Variants in DPP4 observed in about 807,000 individuals in gnomAD.
DPP4 encodes the protein dipeptidyl peptidase 4.
Under a neutral mutation model 122.4 loss-of-function variants are expected in DPP4, and 93 were observed. The ratio of observed to expected loss-of-function variants is 0.76; its 90% CI spans 0.64 to 0.90. DPP4 has a LOEUF of 0.90. DPP4 is among the 40% of genes least tolerant of loss of function. DPP4 has a pLI of 0.00. For missense variants in DPP4, 914 were observed against 907.3 expected (o/e 1.01, Z -0.09); for synonymous variants, 321 against 302.9 (o/e 1.06, Z -0.62).
chr2:162,026,853 C>G (rs1683346437), intron 10 of DPP4, among the ~76,000 whole-genome samples: 1 of 152,148 alleles, frequency 6.6e-6, no homozygotes, highest in African/African-American at 2.4e-5. Flanking sequence ...ATGAAGCTTT[C>G]TGAAATTAGT....
intron 9 of DPP4, among the ~76,000 whole-genome samples, chr2:162,033,862 G>GTGTA (rs1184597685): frequency 2.9e-5 from 3 of 104,034 alleles, no homozygotes; most frequent in Admixed American, 2.1e-4. Context: ...CAGAATATGT[G>GTGTA]TATATATATA....
At chr2:162,015,339 T>C (rs1275067687) in intron 18 of DPP4, among the ~76,000 whole-genome samples, 3 of 152,204 alleles carry the variant, frequency 2.0e-5, no homozygotes. Flanking sequence ...AATATATAGA[T>C]AGATTTATCT....
intron 2 of DPP4, among the ~76,000 whole-genome samples, chr2:162,061,002 CTCCCTCCTTCCTTCCTTCCT>C (rs1334554099): frequency 8.5e-6 from 1 of 118,338 alleles, no homozygotes; most frequent in Non-Finnish European, 1.7e-5. Flanking sequence ...CCCTCCCTCC[CTCCCTCCTTCCTTCCTTCCT>C]TCCTTCCTTC....
At chr2:162,072,400 TCA>T (rs532744031) in intron 2 of DPP4, among the ~76,000 whole-genome samples, 1 of 152,224 alleles carries the variant, frequency 6.6e-6, no homozygotes, top group Non-Finnish European at 1.5e-5. Flanking sequence ...GTCAACCCAT[TCA>T]GTTATTTAAC....
rs1333686442 is a variant in DPP4, at chr2:162,033,529, C to T, written c.887+12G>A. 6 of 1,596,876 alleles carry T rather than the reference C, an allele frequency of 3.8e-6. No individual in the cohort carries two copies. The highest frequency in any genetic ancestry group is 5.1e-6 in the Non-Finnish European group (6 of 1,168,666). Reference sequence around the variant, plus strand: ...CTGTTTACAAGCCAAGCATTCAGGACAAGAGTCTTACCCTATCAACATAGA... The same window carrying T: ...CTGTTTACAAGCCAAGCATTCAGGATAAGAGTCTTACCCTATCAACATAGA... On this transcript the variant is annotated intron_variant, in intron 10 of 25. Transcript: ENST00000360534.
chr2:162,013,435 T>G (rs749566590), intron 19 of DPP4, among the ~76,000 whole-genome samples: 4 of 152,140 alleles, frequency 2.6e-5, no homozygotes, highest in Non-Finnish European at 4.4e-5. Flanking sequence ...CCTTTCTTTG[T>G]GCTTTTATGT....
At chr2:162,022,864 T>C (rs1683184199) in intron 11 of DPP4, 65 bp from the exon 12 acceptor site, 3 of 1,515,582 alleles carry the variant, frequency 2.0e-6, no homozygotes, top group Non-Finnish European at 2.7e-6. Context: ...ATAGCCATAA[T>C]TTGTGGTAAT....
Position 162,045,687 on chromosome 2 carries a change from G to C in DPP4, c.286-75C>G, listed in dbSNP as rs1045794363. ...CATCACTGTGCACTTACTTCATAGG[G>C]GGTACTGTTCTAGACATGTGGCTTG... On this transcript the variant is annotated intron_variant, in intron 4 of 25. Transcript: ENST00000360534. The C allele has an allele frequency of 4.3e-5, 46 of 1,070,410 alleles. No individual in the cohort carries two copies. In the Admixed American group the frequency reaches 7.9e-4, roughly 18 times the overall value. The allele number at this position is 1,070,410 out of a possible 1,614,324, so 66.3% of individuals were successfully genotyped here.
chr2:162,013,313 C>A (rs190604149), intron 19 of DPP4, among the ~76,000 whole-genome samples: 15 of 152,116 alleles, frequency 9.9e-5, no homozygotes, highest in Admixed American at 9.8e-4. Context: ...AGCATTGGAG[C>A]CGAAGCCTAA....
intron 10 of DPP4, 89 bp downstream of exon 10, chr2:162,033,452 G>A (rs1683636286): frequency 3.3e-6 from 3 of 899,092 alleles, no homozygotes; most frequent in Non-Finnish European, 5.2e-6. Context: ...GTGGGAGGCT[G>A]TGATCCACTT....
chr2:162,001,912 G>T (rs1463309526), intron 23 of DPP4, among the ~76,000 whole-genome samples: 2 of 152,188 alleles, frequency 1.3e-5, no homozygotes, highest in East Asian at 1.9e-4. Flanking sequence ...GCTCCTTGAG[G>T]TGGGGGGGAT....
chr2:162,051,958 C>CCTTA (rs1200519336), intron 2 of DPP4, among the ~76,000 whole-genome samples: 3 of 152,086 alleles, frequency 2.0e-5, no homozygotes, highest in African/African-American at 7.2e-5. Context: ...TCATGTTGAA[C>CCTTA]CTTAATATAC....
chr2:162,031,800 C>T (rs554494823), intron 10 of DPP4, among the ~76,000 whole-genome samples: 6 of 152,200 alleles, frequency 3.9e-5, no homozygotes, highest in South Asian at 4.2e-4. Context: ...TGATGATAAG[C>T]GCTACAAGGG....
chr2:162,069,050 C>T (rs1685034060), intron 2 of DPP4, among the ~76,000 whole-genome samples: 1 of 152,028 alleles, frequency 6.6e-6, no homozygotes, highest in South Asian at 2.1e-4. Context: ...CTAAGCCACT[C>T]CAAAATTCCT....
rs144379980 is a variant in DPP4, at chr2:162,066,603, G to T, written c.94+6796C>A. Reference sequence around the variant, plus strand: ...GTGGAACAGGGACATTATCTATACTGCTTAGGGCTAGATCTTAGCTCATTT... The same window carrying T: ...GTGGAACAGGGACATTATCTATACTTCTTAGGGCTAGATCTTAGCTCATTT... On this transcript the variant is annotated intron_variant, in intron 2 of 25. Coordinates refer to ENST00000360534, the MANE Select transcript of DPP4 (RefSeq NM_001935.4). Among the ~76,000 whole-genome samples, 199 of 152,278 alleles carry T rather than the reference G, an allele frequency of 1.3e-3. 4 individuals are homozygous for T. In the East Asian group the frequency reaches 0.031, roughly 23 times the overall value.
At chr2:162,066,189 T>G (rs1684941827) in intron 2 of DPP4, among the ~76,000 whole-genome samples, 1 of 151,864 alleles carries the variant, frequency 6.6e-6, no homozygotes, top group Admixed American at 6.6e-5. Flanking sequence ...TTACCTTCTC[T>G]CCTTCCCTCA....
chr2:162,052,401 A>G (rs1576066888), intron 2 of DPP4, among the ~76,000 whole-genome samples: 1 of 149,960 alleles, frequency 6.7e-6, no homozygotes, highest in Non-Finnish European at 1.5e-5. Context: ...TCTACCTTTC[A>G]CCATGTGGGG....
In DPP4 at chr2:162,020,231, A is replaced by G; in HGVS notation, c.1242T>C (p.Tyr414=). 6.2e-7 allele frequency: 1 copy of G among 1,611,924 alleles called. No individual in the cohort carries two copies. Among genetic ancestry groups the G allele is most frequent in the Non-Finnish European group, 8.5e-7 (1 of 1,179,190 alleles). ...CTATCAATTGTTACAATACTCACAG[A>G]TAATCACTGGTTAGAGCTTCTATCC... ...VIGIEALTSD[Y]LYYISNEYKG... is the part of the protein sequence containing the mutation. The change falls in exon 14 of 26, where the codon TAT becomes TAC. Residue 414 remains tyrosine (Y), a splice_region_variant and synonymous_variant. Coordinates refer to ENST00000360534, the MANE Select transcript of DPP4 (RefSeq NM_001935.4).
intron 2 of DPP4, among the ~76,000 whole-genome samples, chr2:162,058,538 T>A (rs536926908): frequency 6.6e-6 from 1 of 152,364 alleles, no homozygotes; most frequent in South Asian, 2.1e-4. Context: ...ATCCTCAAGC[T>A]TTGCACTTGA....
Sources: gnomAD v4.1 joint callset for allele counts (sites outside exome capture counted in the v4.1 genomes callset) on GRCh38, gnomAD v4.1.1 for gene constraint, MANE v1.5 for transcripts, NCBI Gene and HGNC (gene_info 2026-07-23, HGNC 2026-07-21) for gene names.